The following APBB2 variants were observed in gnomAD, a reference collection of about 807,000 sequenced individuals.
APBB2 encodes Fe65-like 1.
Under a neutral mutation model 82.5 loss-of-function variants are expected in APBB2, and 38 were observed. That is an observed-to-expected ratio of 0.46 (90% CI 0.36 to 0.60). The LOEUF (loss-of-function observed/expected upper bound fraction) is 0.60. Ranked by LOEUF, APBB2 falls within the 20% of genes least tolerant of loss-of-function variation. APBB2 has a pLI of 0.00. For missense variants in APBB2, 772 were observed against 972.3 expected, an observed-to-expected ratio of 0.79 and a Z score of 2.74; for synonymous variants, 341 against 368.2, an observed-to-expected ratio of 0.93 and a Z score of 0.85.
intron 6 of APBB2, among the ~76,000 whole-genome samples, chr4:40,966,177 T>C (rs1349629542): frequency 6.6e-6 from 1 of 152,224 alleles, no homozygotes; most frequent in East Asian, 1.9e-4. Flanking sequence ...ATTTAGAGAT[T>C]ATATATTCAG....
At chr4:40,825,363 C>G (rs902597247) in intron 15 of APBB2, among the ~76,000 whole-genome samples, 1 of 152,202 alleles carries the variant, frequency 6.6e-6, no homozygotes, top group African/African-American at 2.4e-5. Flanking sequence ...TTCTCCACAG[C>G]CTTTTTTAGC....
chr4:40,848,444 C>G (rs1053237880), intron 12 of APBB2, among the ~76,000 whole-genome samples: 12 of 152,202 alleles, frequency 7.9e-5, no homozygotes, highest in African/African-American at 2.7e-4. Context: ...TGGCTGGGCT[C>G]TTTCCTGCCG....
At chr4:41,041,263 A>T (rs946816269) in intron 4 of APBB2, among the ~76,000 whole-genome samples, 12 of 152,098 alleles carry the variant, frequency 7.9e-5, no homozygotes, top group African/African-American at 1.2e-4. Flanking sequence ...CAACTATTTA[A>T]AAAAAAATCC....
intron 4 of APBB2, among the ~76,000 whole-genome samples, chr4:41,059,464 C>A (rs1382692908): frequency 6.6e-6 from 1 of 152,272 alleles, no homozygotes; most frequent in Non-Finnish European, 1.5e-5. Flanking sequence ...ATCGGCAGCA[C>A]TGTGACATGT....
intron 2 of APBB2, among the ~76,000 whole-genome samples, chr4:41,120,781 T>A (rs10026868): frequency 4.6e-5 from 7 of 152,120 alleles, no homozygotes; most frequent in Admixed American, 2.6e-4. Flanking sequence ...CTTCTGCATA[T>A]TTCTCTTTGC....
At chr4:40,862,876 C>T (rs13434685) in intron 12 of APBB2, among the ~76,000 whole-genome samples, 3,102 of 146,884 alleles carry the variant, frequency 0.021, 118 homozygotes, top group African/African-American at 0.072. Context: ...AAAAAAAAAG[C>T]GCCACAATCT....
intron 2 of APBB2, among the ~76,000 whole-genome samples, chr4:41,123,551 G>T (rs901263309): frequency 6.6e-6 from 1 of 152,146 alleles, no homozygotes; most frequent in Non-Finnish European, 1.5e-5. Context: ...AAATTCAGAG[G>T]CTGAGTGTGG....
chr4:40,914,587 C>A (rs1161859455), intron 10 of APBB2, among the ~76,000 whole-genome samples: 4 of 152,044 alleles, frequency 2.6e-5, no homozygotes, highest in Non-Finnish European at 5.9e-5. Context: ...GACAGACAGA[C>A]AGATAGATAA....
intron 1 of APBB2, among the ~76,000 whole-genome samples, chr4:41,153,715 T>C (rs1336144094): frequency 2.0e-5 from 3 of 152,208 alleles, no homozygotes; most frequent in Non-Finnish European, 4.4e-5. Flanking sequence ...AGTGGAGGAA[T>C]TGAGTTTCAT....
chr4:41,123,123 C>G (rs1466469017), intron 2 of APBB2, among the ~76,000 whole-genome samples: 3 of 152,014 alleles, frequency 2.0e-5, no homozygotes, highest in South Asian at 2.1e-4. Context: ...TCTCTCTCCC[C>G]CTTTGTCTTT....
chr4:41,128,930 T>C (rs1002830654), intron 2 of APBB2, among the ~76,000 whole-genome samples: 1 of 152,156 alleles, frequency 6.6e-6, no homozygotes, highest in African/African-American at 2.4e-5. Flanking sequence ...CTGCCTTTCC[T>C]ACTACAGACA....
chr4:41,199,257 G>A (rs1007845460), intron 1 of APBB2, among the ~76,000 whole-genome samples: 7 of 152,118 alleles, frequency 4.6e-5, no homozygotes, highest in East Asian at 1.9e-4. Flanking sequence ...CCTTATAAAT[G>A]CAAGATTTGC....
At chr4:40,858,619 T>G (rs2154332928) in intron 12 of APBB2, among the ~76,000 whole-genome samples, 1 of 152,192 alleles carries the variant, frequency 6.6e-6, no homozygotes, top group East Asian at 1.9e-4. Flanking sequence ...CTTGTTTGGG[T>G]TTGGTAAAAC....
chr4:41,167,648 T>A (rs138459471), intron 1 of APBB2, among the ~76,000 whole-genome samples: 35 of 152,318 alleles, frequency 2.3e-4, no homozygotes, highest in African/African-American at 8.2e-4. Context: ...GTCATATGGA[T>A]TCAGAGAGCC....
chr4:41,159,932 AG>A (rs1764463287), intron 1 of APBB2, among the ~76,000 whole-genome samples: 1 of 28,428 alleles, frequency 3.5e-5, no homozygotes, highest in Admixed American at 4.8e-4. Context: ...GAGGAGGAGG[AG>A]GAGGAGGAGG....
At chr4:41,074,819 G>GT (rs934279983) in intron 3 of APBB2, among the ~76,000 whole-genome samples, 9 of 151,416 alleles carry the variant, frequency 5.9e-5, no homozygotes, top group East Asian at 1.9e-4. Flanking sequence ...CCATATTATT[G>GT]TTTTTTTTAA....
At chr4:41,180,441 C>CA (rs1318075324) in intron 1 of APBB2, among the ~76,000 whole-genome samples, 3 of 151,556 alleles carry the variant, frequency 2.0e-5, no homozygotes, top group Non-Finnish European at 2.9e-5. Flanking sequence ...CTTGTTTCTG[C>CA]AAAAAAACAA....
At chr4:41,201,943 G>A (rs1480301781) in intron 1 of APBB2, among the ~76,000 whole-genome samples, 1 of 152,200 alleles carries the variant, frequency 6.6e-6, no homozygotes, top group Non-Finnish European at 1.5e-5. Context: ...AAGTTCAGGT[G>A]AGTGGCGTCT....
chr4:40,823,816 G>T, intron 15 of APBB2, 57 bp from the exon 16 acceptor site: 1 of 1,147,736 alleles, frequency 8.7e-7, no homozygotes, highest in Non-Finnish European at 1.3e-6. Context: ...ACACTCAAAT[G>T]TGGGCCCAAA....
Sources: allele counts gnomAD v4.1 joint callset (sites outside exome capture counted in the v4.1 genomes callset), GRCh38; gene constraint gnomAD v4.1.1; transcripts MANE v1.5; gene names NCBI Gene and HGNC (gene_info 2026-07-23, HGNC 2026-07-21).